Variants in IQCB1 observed in about 807,000 individuals in gnomAD.
The protein encoded by IQCB1 is IQ motif containing B1.
A neutral mutation model predicts 84.4 loss-of-function variants in IQCB1; 56 were observed. That is an observed-to-expected ratio of 0.66 (90% confidence interval 0.54 to 0.83). The LOEUF is 0.83. IQCB1 is among the 40% of genes least tolerant of loss of function. The pLI is 0.00. For missense variants in IQCB1, 629 were observed against 682.1 expected (o/e 0.92, Z 0.87); for synonymous variants, 210 against 234.8 (o/e 0.89, Z 0.96).
chr3:121,776,551 C>T (rs186726760), intron 13 of IQCB1, among the ~76,000 whole-genome samples: 7 of 152,076 alleles, frequency 4.6e-5, no homozygotes, highest in Admixed American at 1.3e-4. Context: ...ATCTTACTGT[C>T]GGTTATTTTT....
intron 5 of IQCB1, among the ~76,000 whole-genome samples, chr3:121,813,969 C>T (rs898688749): frequency 6.6e-6 from 1 of 152,170 alleles, no homozygotes; most frequent in Non-Finnish European, 1.5e-5. Context: ...ATAGAATATA[C>T]ATTCTTCTTA....
chr3:121,814,371 A>G (rs1949966560), intron 5 of IQCB1, among the ~76,000 whole-genome samples: 1 of 152,224 alleles, frequency 6.6e-6, no homozygotes, highest in Admixed American at 6.5e-5. Flanking sequence ...GAGAAGCAAG[A>G]GCAAACAAAT....
intron 7 of IQCB1, among the ~76,000 whole-genome samples, chr3:121,806,888 T>C (rs975865165): frequency 2.6e-5 from 4 of 152,082 alleles, no homozygotes; most frequent in Non-Finnish European, 4.4e-5. Flanking sequence ...CCCTTCCATG[T>C]TACCCTGAAT....
At chr3:121,786,215 GGATGCTTT>G in intron 12 of IQCB1, among the ~76,000 whole-genome samples, 9 of 147,184 alleles carry the variant, frequency 6.1e-5, no homozygotes, top group African/African-American at 1.8e-4. Flanking sequence ...GAAAAGAAAA[GGATGCTTT>G]AAAAATATGG....
intron 11 of IQCB1, 78 bp from the exon 12 acceptor site, chr3:121,788,510 A>G: frequency 7.8e-7 from 1 of 1,286,014 alleles, no homozygotes; most frequent in Non-Finnish European, 1.1e-6. Context: ...CAATGATAAT[A>G]ATAATCTTGC....
intron 13 of IQCB1, among the ~76,000 whole-genome samples, chr3:121,775,262 T>C (rs913791966): frequency 2.6e-5 from 4 of 152,152 alleles, no homozygotes; most frequent in Non-Finnish European, 4.4e-5. Flanking sequence ...AGAGATTCAC[T>C]GGCCATATAC....
intron 12 of IQCB1, among the ~76,000 whole-genome samples, chr3:121,785,225 T>C (rs1272727571): frequency 1.3e-5 from 2 of 152,122 alleles, no homozygotes; most frequent in East Asian, 1.9e-4. Context: ...GACACACTCA[T>C]TGAAAGGATA....
intron 5 of IQCB1, among the ~76,000 whole-genome samples, chr3:121,825,065 T>TC (rs1950416481): frequency 1.3e-5 from 2 of 151,102 alleles, no homozygotes; most frequent in South Asian, 4.2e-4. Context: ...TCTTTTCTTT[T>TC]TTTTTTTTTT....
At chr3:121,812,625 C>T (rs1417582653) in intron 5 of IQCB1, among the ~76,000 whole-genome samples, 1 of 152,030 alleles carries the variant, frequency 6.6e-6, no homozygotes, top group African/African-American at 2.4e-5. Context: ...ATGAAGCATA[C>T]ACAAGTATCA....
chr3:121,803,658 C>T (rs1287811416), intron 7 of IQCB1, among the ~76,000 whole-genome samples: 1 of 152,182 alleles, frequency 6.6e-6, no homozygotes, highest in African/African-American at 2.4e-5. Flanking sequence ...TCAATAAACA[C>T]ATCCTTTTGA....
At chr3:121,783,167 GTTTAA>G (rs1301070418) in intron 12 of IQCB1, among the ~76,000 whole-genome samples, 1 of 151,570 alleles carries the variant, frequency 6.6e-6, no homozygotes, top group Non-Finnish European at 1.5e-5. Context: ...GAATGCGATT[GTTTAA>G]TTTGTCAGTT....
intron 2 of IQCB1, among the ~76,000 whole-genome samples, chr3:121,831,105 A>G (rs976551896): frequency 6.6e-6 from 1 of 152,104 alleles, no homozygotes; most frequent in African/African-American, 2.4e-5. Flanking sequence ...TGGATATCAC[A>G]GGCAGGGAGG....
chr3:121,788,044 T>C (rs561139254), intron 12 of IQCB1, among the ~76,000 whole-genome samples: 9 of 152,112 alleles, frequency 5.9e-5, no homozygotes, highest in Non-Finnish European at 1.3e-4. Context: ...GGGAAATAAT[T>C]AACAAAACAA....
Position 121,797,548 on chromosome 3 carries a change from AT to A in IQCB1, c.767-322del, listed in dbSNP as rs1031073315. On this transcript the variant is annotated intron_variant, in intron 8 of 14. Transcript: ENST00000310864. ...GTGGTAAATCAAAAAGTAGAGATAA[AT>A]TTTTTTTATTTGAACAAAAATACTT... 1.5e-3 allele frequency among the ~76,000 whole-genome samples: 227 copies of A among 151,488 alleles called. 1 individual carries two copies. Among genetic ancestry groups the A allele is most frequent in the African/African-American group, 5.3e-3 (220 of 41,366 alleles).
At chr3:121,778,816 G>GA (rs1385955135) in intron 13 of IQCB1, among the ~76,000 whole-genome samples, 3 of 150,386 alleles carry the variant, frequency 2.0e-5, no homozygotes, top group African/African-American at 7.4e-5. Flanking sequence ...TGAGGCAGGA[G>GA]AATCACTTGA....
At chr3:121,796,225 G>T (rs115382649) in intron 9 of IQCB1, among the ~76,000 whole-genome samples, 1,871 of 152,054 alleles carry the variant, frequency 0.012, 16 homozygotes, top group Middle Eastern at 0.031. Context: ...CAGAAAAAAG[G>T]AATTCCCTTC....
chr3:121,801,142 T>C (rs1458764234), intron 7 of IQCB1, among the ~76,000 whole-genome samples: 1 of 151,984 alleles, frequency 6.6e-6, no homozygotes, highest in Non-Finnish European at 1.5e-5. Context: ...TTTCAAGCCA[T>C]TTATTTTCTC....
intron 5 of IQCB1, among the ~76,000 whole-genome samples, chr3:121,819,515 G>A (rs1223514935): frequency 1.3e-5 from 2 of 152,092 alleles, no homozygotes; most frequent in African/African-American, 2.4e-5. Flanking sequence ...CTGTGGCCTG[G>A]GGGCTGGGGA....
At chr3:121,796,726 G>T (rs1385985186) in intron 9 of IQCB1, among the ~76,000 whole-genome samples, 1 of 152,146 alleles carries the variant, frequency 6.6e-6, no homozygotes, top group African/African-American at 2.4e-5. Flanking sequence ...AAACATCAGA[G>T]ATGGGGCTTT....
Sources: allele counts gnomAD v4.1 joint callset (sites outside exome capture counted in the v4.1 genomes callset), GRCh38; gene constraint gnomAD v4.1.1; transcripts MANE v1.5; gene names NCBI Gene and HGNC (gene_info 2026-07-23, HGNC 2026-07-21).